The following NEGR1 variants were observed in gnomAD, a reference collection of about 807,000 sequenced individuals.
NEGR1 encodes the protein IgLON family member 4.
A neutral mutation model predicts 40.9 loss-of-function variants in NEGR1; 10 were observed. The ratio of observed to expected loss-of-function variants is 0.24; its 90% confidence interval spans 0.15 to 0.42. The LOEUF (loss-of-function observed/expected upper bound fraction) is 0.42. Ranked by LOEUF, NEGR1 falls within the 10% of genes least tolerant of loss-of-function variation. The pLI is 1.00. For missense variants in NEGR1, 352 were observed against 438.9 expected (o/e 0.80, Z 1.77); for synonymous variants, 185 against 166.8 (o/e 1.11, Z -0.84).
At chr1:71,472,464 GC>G (rs2101358521) in intron 6 of NEGR1, 1 of 152,142 alleles carries the variant, frequency 6.6e-6, no homozygotes, top group African/African-American at 2.4e-5. Flanking sequence ...ATTCAATTGG[GC>G]TACTGGGACT....
At chr1:71,906,240 A>G (rs1211781176) in intron 2 of NEGR1, among the ~76,000 whole-genome samples, 2 of 151,708 alleles carry the variant, frequency 1.3e-5, no homozygotes, top group Non-Finnish European at 2.9e-5. Flanking sequence ...TGGTGGGGAG[A>G]AGGGGGAAAG....
rs529202208 is a variant in NEGR1 at position 71,679,009 on chromosome 1, T to G, written c.667+18999A>C. ...AGCAGGACAGTGACGGTATCAAGTT[T>G]GTGTTTTGTAAAGATTGCTCTGGAA... On this transcript the variant is annotated intron_variant, in intron 4 of 6. Coordinates refer to ENST00000357731, the MANE Select transcript of NEGR1 (RefSeq NM_173808.3). Among the ~76,000 whole-genome samples the G allele has an allele frequency of 1.1e-4, 17 of 152,260 alleles. No homozygotes were observed. The South Asian group carries it at 2.1e-3, about 19-fold the overall frequency.
intron 2 of NEGR1, among the ~76,000 whole-genome samples, chr1:71,793,759 C>A (rs771732883): frequency 1.3e-5 from 2 of 151,732 alleles, no homozygotes; most frequent in East Asian, 1.9e-4. Context: ...TATTTAACAG[C>A]TTATAAATTT....
intron 2 of NEGR1, among the ~76,000 whole-genome samples, chr1:71,808,248 T>C (rs1257132421): frequency 6.6e-6 from 1 of 152,192 alleles, no homozygotes; most frequent in Admixed American, 6.5e-5. Flanking sequence ...AAATGTTTCA[T>C]GATTTTTCAA....
At chr1:71,413,038 TAG>T (rs10617428) in intron 6 of NEGR1, among the ~76,000 whole-genome samples, 141,869 of 152,080 alleles carry the variant, frequency 0.93, 66,625 homozygotes, top group Non-Finnish European at 0.99. Context: ...ATATGGACTG[TAG>T]AGCTGGATGA....
chr1:72,131,302 A>C (rs1650239981), intron 1 of NEGR1, among the ~76,000 whole-genome samples: 1 of 152,166 alleles, frequency 6.6e-6, no homozygotes, highest in African/African-American at 2.4e-5. Flanking sequence ...TTTAGAAATA[A>C]GTCAAGAAAA....
Position 71,592,886 on chromosome 1 carries a change from G to C in NEGR1, c.871C>G (p.His291Asp). 1 of 1,612,026 alleles carries C rather than the reference G, an allele frequency of 6.2e-7. No homozygotes were observed. Among genetic ancestry groups the C allele is most frequent in the Admixed American group, 1.7e-5 (1 of 59,990 alleles). ...ILTVTNVTQE[H>D]FGNYTCVAAN... ...GCCACACAGGTATAATTGCCGAAGT[G>C]CTCCTGTGTCACGTTGGTAACAGTG... is the stretch of plus-strand genomic sequence containing the variant. The change falls in exon 6 of 7, where the codon CAC (histidine) becomes GAC (aspartate). Residue 291 changes from histidine to aspartate, a missense_variant. His to Asp is a moderately conservative substitution (Grantham distance 81). Coordinates refer to ENST00000357731, the MANE Select transcript of NEGR1 (RefSeq NM_173808.3).
intron 4 of NEGR1, among the ~76,000 whole-genome samples, chr1:71,695,921 G>T (rs1653461124): frequency 6.6e-6 from 1 of 151,850 alleles, no homozygotes; most frequent in Non-Finnish European, 1.5e-5. Context: ...CAAAGCTCAG[G>T]ATGCTTCAAC....
chr1:71,416,955 C>T (rs370511707), intron 6 of NEGR1, among the ~76,000 whole-genome samples: 1 of 152,114 alleles, frequency 6.6e-6, no homozygotes, highest in African/African-American at 2.4e-5. Context: ...TGTTGCCATC[C>T]TTTAGTTTTA....
intron 6 of NEGR1, among the ~76,000 whole-genome samples, chr1:71,539,234 T>C (rs1647605743): frequency 6.6e-6 from 1 of 151,774 alleles, no homozygotes; most frequent in African/African-American, 2.4e-5. Context: ...AATGTTAGCT[T>C]ATTTTCTAAT....
In NEGR1 at chr1:71,908,597, A is replaced by G. The variant is rs1661342771; in HGVS notation, c.409+26482T>C. Among the ~76,000 whole-genome samples, 9 of 152,282 alleles carry G rather than the reference A, an allele frequency of 5.9e-5. No homozygotes were observed. The South Asian group carries it at 1.9e-3, about 32-fold the overall frequency. On this transcript the variant is annotated intron_variant, in intron 2 of 6. Coordinates refer to ENST00000357731, the MANE Select transcript of NEGR1 (RefSeq NM_173808.3). The stretch of plus-strand genomic sequence containing the variant: ...GGTCCTCCAACTGGGACAAAAACAT[A>G]CTGTAAACTTAGATTCACTTGATTC...
intron 2 of NEGR1, among the ~76,000 whole-genome samples, chr1:71,898,999 T>C (rs1570477882): frequency 9.7e-6 from 1 of 103,308 alleles, no homozygotes; most frequent in Non-Finnish European, 2.1e-5. Flanking sequence ...TATATATATA[T>C]ATATATATAT....
chr1:71,693,670 C>T (rs780811365), intron 4 of NEGR1, among the ~76,000 whole-genome samples: 4 of 151,446 alleles, frequency 2.6e-5, no homozygotes, highest in Non-Finnish European at 4.4e-5. Flanking sequence ...AATTATGGAC[C>T]AGTAAGTTAT....
At position 71,558,109 on chromosome 1, in the gene NEGR1, G is replaced by A. The variant is rs115585195; in HGVS notation, c.940+34708C>T. 5.0e-3 allele frequency among the ~76,000 whole-genome samples: 755 copies of A among 151,594 alleles called. 8 individuals are homozygous for A. The highest frequency in any genetic ancestry group is 0.034 in the Middle Eastern group (10 of 294). On this transcript the variant is annotated intron_variant, in intron 6 of 6. Coordinates refer to ENST00000357731, the MANE Select transcript of NEGR1 (RefSeq NM_173808.3). ...ATTAATGTGTCTTACTTCTGGTGATGCTAACCTTAATAATTTGGTTAAGCT... is the reference window on the plus strand; with the variant it reads ...ATTAATGTGTCTTACTTCTGGTGATACTAACCTTAATAATTTGGTTAAGCT...
intron 1 of NEGR1, among the ~76,000 whole-genome samples, chr1:72,063,969 G>A (rs1465050379): frequency 6.6e-6 from 1 of 151,680 alleles, no homozygotes; most frequent in Non-Finnish European, 1.5e-5. Flanking sequence ...GTGATGGGAT[G>A]GCTTACAGTT....
intron 6 of NEGR1, among the ~76,000 whole-genome samples, chr1:71,543,877 A>G (rs1647799592): frequency 6.6e-6 from 1 of 151,748 alleles, no homozygotes; most frequent in Admixed American, 6.6e-5. Flanking sequence ...TGAATCCAGG[A>G]AAAAGCACTA....
chr1:72,144,808 G>C (rs1570036865), intron 1 of NEGR1, among the ~76,000 whole-genome samples: 1 of 151,990 alleles, frequency 6.6e-6, no homozygotes. Context: ...TTCCCTGACT[G>C]TACCCCCATG....
chr1:72,205,363 G>C (rs1465255305), intron 1 of NEGR1, among the ~76,000 whole-genome samples: 1 of 151,752 alleles, frequency 6.6e-6, no homozygotes. Context: ...AGTCAGAGGA[G>C]TAAGGGACTG....
chr1:71,502,305 G>A (rs574220838), intron 6 of NEGR1, among the ~76,000 whole-genome samples: 52 of 152,234 alleles, frequency 3.4e-4, no homozygotes, highest in Admixed American at 9.8e-4. Context: ...ATGAAACTTA[G>A]GCAACGTCCA....
Sources: gnomAD v4.1 joint callset for allele counts (sites outside exome capture counted in the v4.1 genomes callset) on GRCh38, gnomAD v4.1.1 for gene constraint, MANE v1.5 for transcripts, NCBI Gene and HGNC (gene_info 2026-07-23, HGNC 2026-07-21) for gene names.